LRRC28: variants seen among roughly 807,000 people sequenced by gnomAD.
LRRC28 encodes leucine rich repeat containing 28.
A neutral mutation model predicts 45.7 loss-of-function variants in LRRC28; 39 were observed. The observed-to-expected ratio is 0.85, with a 90% CI of 0.66 to 1.12. LRRC28 has a LOEUF of 1.12. Ranked by LOEUF, LRRC28 falls within the 50% of genes most tolerant of loss-of-function variation. The pLI is 0.00. For missense variants in LRRC28, 435 were observed against 438.5 expected, an observed-to-expected ratio of 0.99 and a Z score of 0.07; for synonymous variants, 206 against 178.8, an observed-to-expected ratio of 1.15 and a Z score of -1.22.
intron 2 of LRRC28, chr15:99,259,143 T>C: frequency 7.6e-7 from 1 of 1,316,216 alleles, no homozygotes; most frequent in Non-Finnish European, 1.1e-6. Flanking sequence ...GCTAAACTTC[T>C]TAGGTTCCAG....
intron 6 of LRRC28, among the ~76,000 whole-genome samples, chr15:99,344,446 C>A (rs1422559966): frequency 6.6e-6 from 1 of 152,168 alleles, no homozygotes; most frequent in Non-Finnish European, 1.5e-5. Flanking sequence ...ATTACATACT[C>A]ATGTCCATGA....
intron 6 of LRRC28, among the ~76,000 whole-genome samples, chr15:99,341,924 T>A (rs565717142): frequency 1.3e-5 from 2 of 152,098 alleles, no homozygotes; most frequent in African/African-American, 2.4e-5. Context: ...GTTCTTAAGT[T>A]CCAAACAAAC....
At chr15:99,316,240 A>G (rs2152271528) in intron 5 of LRRC28, among the ~76,000 whole-genome samples, 1 of 152,344 alleles carries the variant, frequency 6.6e-6, no homozygotes, top group Admixed American at 6.5e-5. Flanking sequence ...ATAATTTGTT[A>G]TATATACTAC....
rs369498258 is a variant in LRRC28 at position 99,389,564 on chromosome 15, T to C, written c.*3462T>C. On this transcript the variant is annotated 3_prime_UTR_variant, in exon 10 of 10. Transcript: ENST00000301981. ...GGATTTCTAACTGGACCAACACTAA[T>C]GTTGCAACCTGATAAAATTTGAGAT... The C allele has an allele frequency of 6.6e-6, 1 of 152,236 alleles. No individual in the cohort carries two copies. Among genetic ancestry groups the C allele is most frequent in the African/African-American group, 2.4e-5 (1 of 41,462 alleles). The allele number at this position is 152,236 out of a possible 1,614,324, so 9.4% of individuals were successfully genotyped here. A position where few individuals can be genotyped will look rare whatever the true frequency, so the allele number is the denominator to read the frequency against.
At chr15:99,367,726 A>G (rs1957378369) in intron 9 of LRRC28, among the ~76,000 whole-genome samples, 1 of 152,136 alleles carries the variant, frequency 6.6e-6, no homozygotes, top group African/African-American at 2.4e-5. Flanking sequence ...TAAATATGGA[A>G]TTTTCATGCC....
rs542465592 is a variant in LRRC28 at position 99,295,807 on chromosome 15, T to C, written c.385+7856T>C. 5.9e-5 allele frequency among the ~76,000 whole-genome samples: 9 copies of C among 152,390 alleles called. No homozygotes were observed. The East Asian group carries it at 1.5e-3, about 26-fold the overall frequency. ...GAAAGTATGCACAGACAGAAATGTG[T>C]ACCACATATAACCAGCATGTGTTGT... On this transcript the variant is annotated intron_variant, in intron 5 of 9. Transcript: ENST00000301981.
At chr15:99,347,645 A>G (rs1956737406) in intron 6 of LRRC28, among the ~76,000 whole-genome samples, 1 of 152,180 alleles carries the variant, frequency 6.6e-6, no homozygotes, top group African/African-American at 2.4e-5. Flanking sequence ...TCCATTATGT[A>G]TATGTACCAC....
At chr15:99,338,402 T>G (rs1956398058) in intron 6 of LRRC28, 1 of 152,354 alleles carries the variant, frequency 6.6e-6, no homozygotes, top group Non-Finnish European at 1.5e-5. Flanking sequence ...AGAACTGAAC[T>G]GTTCTTAGAA....
chr15:99,363,348 A>G lies in LRRC28; in HGVS notation c.1031+83A>G, dbSNP rs1284824850. The stretch of plus-strand genomic sequence containing the variant: ...GAGGGGAGAGGCTGTGCATGAAAGC[A>G]TTAAGTCAGCAGTTTTAAAGGGGCA... On this transcript the variant is annotated intron_variant, in intron 9 of 9. Transcript: ENST00000301981. 3.1e-5 allele frequency: 46 copies of G among 1,476,090 alleles called. No homozygotes were observed. In the Middle Eastern group the frequency reaches 8.3e-4, roughly 27 times the overall value. The allele number at this position is 1,476,090 out of a possible 1,614,324, so 91.4% of individuals were successfully genotyped here.
At chr15:99,283,102 A>G (rs1333503627) in intron 3 of LRRC28, among the ~76,000 whole-genome samples, 1 of 152,052 alleles carries the variant, frequency 6.6e-6, no homozygotes, top group African/African-American at 2.4e-5. Context: ...CATGTTGGTC[A>G]GGTTGGTCTC....
rs982580108 is a variant in LRRC28 at position 99,387,180 on chromosome 15, C to G, written c.*1078C>G. The G allele has an allele frequency of 6.8e-6, 1 of 146,700 alleles. No individual in the cohort carries two copies. The highest frequency in any genetic ancestry group is 2.5e-5 in the African/African-American group (1 of 39,792). 9.1% of individuals were successfully genotyped at this position (146,700 alleles called of 1,614,324 possible). ...GGTTCACGCCATTCTCCTGCCTCAG[C>G]CTCCCAAGTAGCTGGGACCACAGGC... On this transcript the variant is annotated 3_prime_UTR_variant, in exon 10 of 10. Transcript: ENST00000301981.
intron 6 of LRRC28, among the ~76,000 whole-genome samples, chr15:99,342,526 A>G (rs1956549634): frequency 6.6e-6 from 1 of 152,244 alleles, no homozygotes; most frequent in Non-Finnish European, 1.5e-5. Context: ...TCCATAAAAC[A>G]CATATCACTT....
intron 1 of LRRC28, 78 bp from the exon 2 acceptor site, chr15:99,255,820 C>A: frequency 1.3e-6 from 1 of 778,328 alleles, no homozygotes; most frequent in Non-Finnish European, 1.9e-6. Flanking sequence ...CTTCAAGTGG[C>A]TCTGTGTGCT....
chr15:99,285,502 G>A (rs1044133195), intron 3 of LRRC28: 5 of 1,076,282 alleles, frequency 4.6e-6, no homozygotes, highest in Non-Finnish European at 5.6e-6. Context: ...GCTCTCATCG[G>A]TTGTTTCAAA....
rs1271926694 is a variant in LRRC28 at position 99,387,536 on chromosome 15, A to G, written c.*1434A>G. On this transcript the variant is annotated 3_prime_UTR_variant, in exon 10 of 10. Transcript: ENST00000301981. ...TCCAAATTCAGCCTTCGACTTCTGCAAAAGTCCATAAACAGAAAGTCTGTG... is the reference window on the plus strand; with the variant it reads ...TCCAAATTCAGCCTTCGACTTCTGCGAAAGTCCATAAACAGAAAGTCTGTG... 1 of 152,222 alleles carries G rather than the reference A, an allele frequency of 6.6e-6. No homozygotes were observed. The highest frequency in any genetic ancestry group is 1.5e-5 in the Non-Finnish European group (1 of 68,056). The allele number at this position is 152,222 out of a possible 1,614,324, so 9.4% of individuals were successfully genotyped here. A position where few individuals can be genotyped will look rare whatever the true frequency, so the allele number is the denominator to read the frequency against.
intron 3 of LRRC28, chr15:99,285,666 A>G: frequency 1.7e-6 from 1 of 600,900 alleles, no homozygotes; most frequent in Non-Finnish European, 3.0e-6. Flanking sequence ...CATCTTGATT[A>G]TATGTAGATA....
Position 99,389,364 on chromosome 15 carries a change from T to G in LRRC28, c.*3262T>G, listed in dbSNP as rs1958119029. 1 of 152,116 alleles carries G rather than the reference T, an allele frequency of 6.6e-6. No individual in the cohort carries two copies. Among genetic ancestry groups the G allele is most frequent in the Non-Finnish European group, 1.5e-5 (1 of 68,042 alleles). 9.4% of individuals were successfully genotyped at this position (152,116 alleles called of 1,614,324 possible). A position where few individuals can be genotyped will look rare whatever the true frequency, so the allele number is the denominator to read the frequency against. ...TATAATTTTCTCTAAAATATGTAACTATTTTGTAGTCTGTGGGGACTTTCA... is the reference window on the plus strand; with the variant it reads ...TATAATTTTCTCTAAAATATGTAACGATTTTGTAGTCTGTGGGGACTTTCA... On this transcript the variant is annotated 3_prime_UTR_variant, in exon 10 of 10. Coordinates refer to ENST00000301981, the MANE Select transcript of LRRC28 (RefSeq NM_144598.5).
intron 1 of LRRC28, among the ~76,000 whole-genome samples, chr15:99,252,831 A>G (rs904737552): frequency 2.6e-5 from 4 of 152,204 alleles, no homozygotes; most frequent in Non-Finnish European, 5.9e-5. Context: ...AACGTGTGCC[A>G]TGGTGATTTG....
At chr15:99,256,591 T>C (rs2081028514) in intron 2 of LRRC28, among the ~76,000 whole-genome samples, 3 of 152,234 alleles carry the variant, frequency 2.0e-5, no homozygotes, top group African/African-American at 7.2e-5. Flanking sequence ...CTTGGGAAGC[T>C]TAATGTAACT....
Sources: allele counts gnomAD v4.1 joint callset (sites outside exome capture counted in the v4.1 genomes callset), GRCh38; gene constraint gnomAD v4.1.1; transcripts MANE v1.5; gene names NCBI Gene and HGNC (gene_info 2026-07-23, HGNC 2026-07-21).